The following RTN1 variants were observed in gnomAD, a reference collection of about 807,000 sequenced individuals.
The protein encoded by RTN1 is reticulon-1.
Under a neutral mutation model 65.5 loss-of-function variants are expected in RTN1, and 25 were observed. That is an observed-to-expected ratio of 0.38 (90% CI 0.28 to 0.53). RTN1 has a LOEUF of 0.53. RTN1 is among the 20% of genes least tolerant of loss of function. The pLI is 0.79. For synonymous variants in RTN1, 471 were observed against 447.6 expected (o/e 1.05, Z -0.66); for missense variants, 983 against 1,025.4 (o/e 0.96, Z 0.57).
At chr14:59,645,473 C>T (rs1882874382) in intron 3 of RTN1, among the ~76,000 whole-genome samples, 1 of 151,286 alleles carries the variant, frequency 6.6e-6, no homozygotes, top group Admixed American at 6.6e-5. Context: ...AGTCCCTGTT[C>T]CCGTATCTCC....
intron 3 of RTN1, among the ~76,000 whole-genome samples, chr14:59,658,764 C>G (rs571045816): frequency 3.3e-5 from 5 of 152,170 alleles, no homozygotes; most frequent in African/African-American, 1.2e-4. Context: ...GATGAATCCA[C>G]GAAGATGAGG....
intron 1 of RTN1, among the ~76,000 whole-genome samples, chr14:59,782,838 C>T (rs762792156): frequency 1.3e-5 from 2 of 152,100 alleles, no homozygotes; most frequent in Non-Finnish European, 2.9e-5. Flanking sequence ...CAGTTTCTCT[C>T]TCTCTCTTTT....
At chr14:59,813,946 T>G (rs1188282725) in intron 1 of RTN1, among the ~76,000 whole-genome samples, 2 of 152,154 alleles carry the variant, frequency 1.3e-5, no homozygotes, top group Admixed American at 1.3e-4. Context: ...GATGAGGAGA[T>G]AAAACAATTG....
At chr14:59,831,897 A>G (rs1286967141) in intron 1 of RTN1, among the ~76,000 whole-genome samples, 13 of 152,106 alleles carry the variant, frequency 8.5e-5, no homozygotes, top group Non-Finnish European at 1.6e-4. Context: ...AGCTTGAGGC[A>G]ACATGTCTCT....
At chr14:59,633,162 G>A (rs969801218) in intron 3 of RTN1, among the ~76,000 whole-genome samples, 1 of 152,184 alleles carries the variant, frequency 6.6e-6, no homozygotes, top group African/African-American at 2.4e-5. Flanking sequence ...TTCATACTAA[G>A]TGTGGAGAGA....
intron 1 of RTN1, among the ~76,000 whole-genome samples, chr14:59,796,228 C>T (rs552254764): frequency 1.3e-5 from 2 of 152,208 alleles, no homozygotes; most frequent in African/African-American, 4.8e-5. Context: ...AGGTTTGTGG[C>T]CTAGGAGCAA....
At chr14:59,777,287 C>T (rs1440217954) in intron 1 of RTN1, among the ~76,000 whole-genome samples, 1 of 152,132 alleles carries the variant, frequency 6.6e-6, no homozygotes, top group Non-Finnish European at 1.5e-5. Flanking sequence ...AGTCTGGTTG[C>T]TTTTGTGTTT....
intron 3 of RTN1, among the ~76,000 whole-genome samples, chr14:59,709,541 C>T (rs367679380): frequency 1.3e-5 from 2 of 152,134 alleles, no homozygotes; most frequent in East Asian, 3.9e-4. Flanking sequence ...GAAAGCACGT[C>T]AATGGTGGAT....
intron 1 of RTN1, among the ~76,000 whole-genome samples, chr14:59,847,834 G>A (rs1887436442): frequency 6.6e-6 from 1 of 152,182 alleles, no homozygotes; most frequent in Non-Finnish European, 1.5e-5. Context: ...TGAACCCACA[G>A]CCTTTCCTGC....
intron 1 of RTN1, among the ~76,000 whole-genome samples, chr14:59,863,121 C>T (rs1479379164): frequency 6.6e-6 from 1 of 152,092 alleles, no homozygotes; most frequent in Non-Finnish European, 1.5e-5. Context: ...TCAGGAAATG[C>T]CCCCACCTCC....
rs1337446451 is a variant in RTN1, at chr14:59,870,561, G to A, written c.70C>T (p.His24Tyr). 6.9e-7 allele frequency: 1 copy of A among 1,457,194 alleles called. No homozygotes were observed. The highest frequency in any genetic ancestry group is 9.0e-7 in the Non-Finnish European group (1 of 1,110,176). The allele number at this position is 1,457,194 out of a possible 1,614,324, so 90.3% of individuals were successfully genotyped here. The change falls in exon 1 of 9, where the codon CAC (histidine) becomes TAC (tyrosine). Residue 24 changes from histidine (H) to tyrosine (Y), a missense_variant. Around this residue, in one of 2 missense-constraint regions of RTN1, gnomAD observed 818 missense variants for 801.8 expected, o/e 1.02. Transcript: ENST00000267484. This position sits in a 1 kb window ranked among gnomAD's most constrained non-coding sequence, Gnocchi z 5.1. ...GCTTCGTTCTCCCCCTCCCCCCGGT[G>A]CCTGAGCCACTGGGACCCGGGGCCG... ...LAGPGSQWLR[H>Y]RGEGENEAVT... is the part of the protein sequence containing the mutation.
intron 1 of RTN1, among the ~76,000 whole-genome samples, chr14:59,854,855 C>CTT (rs1887576792): frequency 6.6e-6 from 1 of 152,040 alleles, no homozygotes; most frequent in African/African-American, 2.4e-5. Flanking sequence ...ATAACCATAC[C>CTT]TACTTTATTG....
intron 3 of RTN1, chr14:59,630,384 C>T (rs1594641870): frequency 6.2e-7 from 1 of 1,606,622 alleles, no homozygotes; most frequent in East Asian, 2.2e-5. Context: ...GCACAATGGA[C>T]GAGTCCAGGT....
intron 3 of RTN1, among the ~76,000 whole-genome samples, chr14:59,624,465 CTTT>C (rs113013375): frequency 1.4e-5 from 2 of 141,978 alleles, no homozygotes; most frequent in Admixed American, 7.1e-5. Context: ...ATTTTCTTTT[CTTT>C]TTTTTTTTTT....
At chr14:59,717,988 G>A (rs1317101789) in intron 3 of RTN1, among the ~76,000 whole-genome samples, 5 of 152,168 alleles carry the variant, frequency 3.3e-5, no homozygotes, top group African/African-American at 4.8e-5. Context: ...GGGTGAGCCC[G>A]GGAATTCTGT....
intron 3 of RTN1, among the ~76,000 whole-genome samples, chr14:59,631,662 A>T (rs1197631297): frequency 6.6e-6 from 1 of 152,214 alleles, no homozygotes; most frequent in African/African-American, 2.4e-5. Context: ...AATGGATGGG[A>T]TAAATGTATT....
intron 1 of RTN1, among the ~76,000 whole-genome samples, chr14:59,834,615 A>T (rs1175831781): frequency 2.6e-5 from 4 of 152,218 alleles, no homozygotes. Flanking sequence ...TTTGTAGCAC[A>T]GAAAAAGCAA....
intron 3 of RTN1, among the ~76,000 whole-genome samples, chr14:59,696,831 G>A (rs996029496): frequency 6.6e-6 from 1 of 152,076 alleles, no homozygotes; most frequent in Non-Finnish European, 1.5e-5. Flanking sequence ...TCCTATTCTT[G>A]GTCCCTAAAC....
intron 1 of RTN1, among the ~76,000 whole-genome samples, chr14:59,832,545 A>T (rs1594759925): frequency 2.0e-5 from 3 of 152,330 alleles, no homozygotes; most frequent in Admixed American, 2.0e-4. Context: ...ATTTTTCCTC[A>T]TCATCTGTAA....
Sources: allele counts gnomAD v4.1 joint callset (sites outside exome capture counted in the v4.1 genomes callset), GRCh38; gene constraint gnomAD v4.1.1; regional missense constraint gnomAD v4.1.1; non-coding constraint Gnocchi (gnomAD v3.1); transcripts MANE v1.5; gene names NCBI Gene and HGNC (gene_info 2026-07-23, HGNC 2026-07-21).